TPCN2: variants seen among roughly 807,000 people sequenced by gnomAD.
The protein encoded by TPCN2 is two pore segment channel 2, also known as two pore channel protein 2.
Under a neutral mutation model 111.4 loss-of-function variants are expected in TPCN2, and 92 were observed. The observed-to-expected ratio is 0.83, with a 90% CI of 0.70 to 0.98. The LOEUF is 0.98. TPCN2 is among the 50% of genes least tolerant of loss of function. TPCN2 has a pLI of 0.00. For synonymous variants in TPCN2, 405 were observed against 414.5 expected, an observed-to-expected ratio of 0.98 and a Z score of 0.28; for missense variants, 995 against 980.1, an observed-to-expected ratio of 1.02 and a Z score of -0.20.
intron 5 of TPCN2, among the ~76,000 whole-genome samples, chr11:69,058,054 G>A (rs1381973341): frequency 6.6e-5 from 10 of 152,182 alleles, no homozygotes; most frequent in African/African-American, 2.4e-4. Flanking sequence ...ACCATGCCCC[G>A]TAGTCACAAG....
intron 7 of TPCN2, among the ~76,000 whole-genome samples, chr11:69,064,807 G>A (rs1179870124): frequency 2.6e-5 from 4 of 152,234 alleles, no homozygotes; most frequent in African/African-American, 9.7e-5. Flanking sequence ...CTCTGCATGT[G>A]TGTGTGGAGT....
rs541538532 is a variant in TPCN2 at position 69,087,006 on chromosome 11, G to T, written c.2086-106G>T. 12 of 912,730 alleles carry T rather than the reference G, an allele frequency of 1.3e-5. No individual in the cohort carries two copies. The East Asian group carries it at 2.6e-4, about 20-fold the overall frequency. The allele number at this position is 912,730 out of a possible 1,614,324, so 56.5% of individuals were successfully genotyped here. Reference sequence around the variant, plus strand: ...CTGGGTGTCCAGGGTGAATGGCTCAGCCCCCTCAGCGGGTGCCCTGTGGCT... The same window carrying T: ...CTGGGTGTCCAGGGTGAATGGCTCATCCCCCTCAGCGGGTGCCCTGTGGCT... On this transcript the variant is annotated intron_variant, in intron 23 of 24. Transcript: ENST00000294309.
rs924068878 is a variant in TPCN2, at chr11:69,049,086, G to A, written c.89G>A (p.Arg30His). ...TGGCCGGCGGGGCTGACCACTTACC[G>A]CAGCATCCAAGTCGGCCCTGGTGAG... is the stretch of plus-strand genomic sequence containing the variant. ...GDWPAGLTTY[R>H]SIQVGPGAAA... is the part of the protein sequence containing the mutation. Residue 30 changes from arginine (R) to histidine (H), a missense_variant, in exon 1 of 25, where the codon CGC becomes CAC. Arg to His is a conservative substitution (Grantham distance 29). Transcript: ENST00000294309. 3.2e-6 allele frequency: 4 copies of A among 1,242,052 alleles called. No individual in the cohort carries two copies. The allele number at this position is 1,242,052 out of a possible 1,614,324, so 76.9% of individuals were successfully genotyped here. A position where few individuals can be genotyped will look rare whatever the true frequency, so the allele number is the denominator to read the frequency against.
intron 5 of TPCN2, among the ~76,000 whole-genome samples, chr11:69,059,091 C>T (rs1217879538): frequency 6.6e-6 from 1 of 152,254 alleles, no homozygotes; most frequent in Non-Finnish European, 1.5e-5. Flanking sequence ...GCCAGCTCCC[C>T]ACCTGGCCCG....
rs558905187 is a variant in TPCN2 at position 69,067,098 on chromosome 11, C to T, written c.727-405C>T. On this transcript the variant is annotated intron_variant, in intron 7 of 24. Transcript: ENST00000294309. Reference sequence around the variant, plus strand: ...GAGCAGGCTTCACGAAGGGTCCAACCTATCTCACCCTGGCAGCCTGGGCCC... The same window carrying T: ...GAGCAGGCTTCACGAAGGGTCCAACTTATCTCACCCTGGCAGCCTGGGCCC... Among the ~76,000 whole-genome samples the T allele has an allele frequency of 2.6e-5, 4 of 152,350 alleles. No individual in the cohort carries two copies. In the South Asian group the frequency reaches 8.3e-4, roughly 32 times the overall value.
Position 69,071,677 on chromosome 11 carries a change from G to A in TPCN2, c.961-246G>A, listed in dbSNP as rs142039973. Among the ~76,000 whole-genome samples, 1,220 of 152,282 alleles carry A rather than the reference G, an allele frequency of 8.0e-3. 7 individuals carry two copies. Among genetic ancestry groups the A allele is most frequent in the Non-Finnish European group, 0.012 (807 of 67,990 alleles). On this transcript the variant is annotated intron_variant, in intron 10 of 24. Coordinates refer to ENST00000294309, the MANE Select transcript of TPCN2 (RefSeq NM_139075.4). ...CTGGGGGCGCCCCCAACACACAGAGGAGAAACGCGGCCCAGCATATTGCGC... is the reference window on the plus strand; with the variant it reads ...CTGGGGGCGCCCCCAACACACAGAGAAGAAACGCGGCCCAGCATATTGCGC...
rs1214391774 is a variant in TPCN2 at position 69,088,883 on chromosome 11, G to A, written c.*930G>A. On this transcript the variant is annotated 3_prime_UTR_variant, in exon 25 of 25. Transcript: ENST00000294309. ...TGAGGTTTGGGTGCCATCTAGTGGT[G>A]GGATGGGACTTGGTTGACTACATTT... 6.6e-6 allele frequency: 1 copy of A among 152,178 alleles called. No individual in the cohort carries two copies. The highest frequency in any genetic ancestry group is 1.5e-5 in the Non-Finnish European group (1 of 68,054). 9.4% of individuals were successfully genotyped at this position (152,178 alleles called of 1,614,324 possible). A position where few individuals can be genotyped will look rare whatever the true frequency, so the allele number is the denominator to read the frequency against.
intron 1 of TPCN2, among the ~76,000 whole-genome samples, chr11:69,049,726 C>T (rs904367592): frequency 2.6e-5 from 4 of 152,186 alleles, no homozygotes; most frequent in Non-Finnish European, 5.9e-5. Flanking sequence ...CCTCTGCCAC[C>T]CCAGAGTCCC....
At chr11:69,060,411 G>T (rs1828243914) in intron 5 of TPCN2, among the ~76,000 whole-genome samples, 1 of 152,206 alleles carries the variant, frequency 6.6e-6, no homozygotes, top group South Asian at 2.1e-4. Flanking sequence ...GGGGTGGCTT[G>T]CAGGGAGGAC....
At chr11:69,063,420 C>G (rs1385102026) in intron 6 of TPCN2, among the ~76,000 whole-genome samples, 1 of 151,996 alleles carries the variant, frequency 6.6e-6, no homozygotes, top group Non-Finnish European at 1.5e-5. Flanking sequence ...CCTCGTGGCT[C>G]TTGTTGCCAC....
intron 1 of TPCN2, among the ~76,000 whole-genome samples, chr11:69,052,179 G>T (rs931549656): frequency 6.6e-6 from 1 of 152,082 alleles, no homozygotes; most frequent in African/African-American, 2.4e-5. Context: ...CGTGGTCCTG[G>T]GGCTGGAGTG....
chr11:69,076,464 C>T (rs7937006), intron 13 of TPCN2, among the ~76,000 whole-genome samples: 40,973 of 150,934 alleles, frequency 0.27, 6,045 homozygotes, highest in South Asian at 0.46. Context: ...CTATGTGTCT[C>T]GGACAGAGCG....
At position 69,071,300 on chromosome 11, in the gene TPCN2, G is replaced by A. The variant is rs370091472; in HGVS notation, c.896-56G>A. The A allele has an allele frequency of 1.1e-4, 166 of 1,460,300 alleles. 1 individual carries two copies. Among genetic ancestry groups the A allele is most frequent in the Middle Eastern group, 1.7e-4 (1 of 5,788 alleles). The allele number at this position is 1,460,300 out of a possible 1,614,324, so 90.5% of individuals were successfully genotyped here. On this transcript the variant is annotated intron_variant, in intron 9 of 24. Transcript: ENST00000294309. ...GCTATCCTGTGCCGGCCACCCTTGC[G>A]TTGGTTTTGCTGCTGTACTGGTGGC...
chr11:69,052,550 A>T (rs920914935), intron 1 of TPCN2, among the ~76,000 whole-genome samples: 1 of 152,096 alleles, frequency 6.6e-6, no homozygotes, highest in African/African-American at 2.4e-5. Flanking sequence ...CACCAAAGCC[A>T]CAGGGAGGGA....
chr11:69,062,942 TGAA>T lies in TPCN2; in HGVS notation c.611_613del (p.Lys204del), dbSNP rs766401581. 5 of 1,614,014 alleles carry T rather than the reference TGAA, an allele frequency of 3.1e-6. No individual in the cohort carries two copies. The highest frequency in any genetic ancestry group is 2.2e-5 in the East Asian group (1 of 44,844). On this transcript the variant is annotated inframe_deletion, in exon 6 of 25. Coordinates refer to ENST00000294309, the MANE Select transcript of TPCN2 (RefSeq NM_139075.4). Reference sequence around the variant, plus strand: ...TTCCTGCTGCAGAACTCCTCTATGATGAAGAAGACCTTGAAATGCATCCGCTGG... The same window carrying T: ...TTCCTGCTGCAGAACTCCTCTATGATGAAGACCTTGAAATGCATCCGCTGG...
In TPCN2 at chr11:69,085,666, C is replaced by T. The variant is rs1322719180; in HGVS notation, c.1839-5C>T. The T allele has an allele frequency of 1.9e-6, 3 of 1,603,218 alleles. No homozygotes were observed. Among genetic ancestry groups the T allele is most frequent in the Non-Finnish European group, 1.7e-6 (2 of 1,170,520 alleles). ...CCCCTGACCCAGGTGTGTTGTGTTC[C>T]CCAGCCTGGCCCCTGCCAATGGCTC... is the stretch of plus-strand genomic sequence containing the variant. On this transcript the variant is annotated splice_polypyrimidine_tract_variant and splice_region_variant and intron_variant, in intron 20 of 24. Coordinates refer to ENST00000294309, the MANE Select transcript of TPCN2 (RefSeq NM_139075.4).
intron 5 of TPCN2, among the ~76,000 whole-genome samples, chr11:69,060,341 C>CA (rs1316883177): frequency 6.6e-6 from 1 of 152,240 alleles, no homozygotes; most frequent in Non-Finnish European, 1.5e-5. Context: ...CGTCTGCAAA[C>CA]CAGGCCTGAG....
At chr11:69,074,134 C>T (rs187288910) in intron 13 of TPCN2, among the ~76,000 whole-genome samples, 1 of 152,238 alleles carries the variant, frequency 6.6e-6, no homozygotes, top group African/African-American at 2.4e-5. Context: ...CTTCAGGATT[C>T]CTTGTCGGCC....
intron 5 of TPCN2, among the ~76,000 whole-genome samples, chr11:69,061,653 G>C (rs1437718931): frequency 1.3e-5 from 2 of 152,152 alleles, no homozygotes; most frequent in Admixed American, 6.5e-5. Flanking sequence ...AGGATGGGAA[G>C]GTGCTCATGG....
Sources: gnomAD v4.1 joint callset for allele counts (sites outside exome capture counted in the v4.1 genomes callset) on GRCh38, gnomAD v4.1.1 for gene constraint, MANE v1.5 for transcripts, NCBI Gene and HGNC (gene_info 2026-07-23, HGNC 2026-07-21) for gene names.